The following TNKS variants were observed in gnomAD, a reference collection of about 807,000 sequenced individuals.
TNKS encodes poly [ADP-ribose] polymerase tankyrase-1.
In TNKS, 72 loss-of-function variants were observed where a neutral mutation model predicts 135.8. The observed-to-expected ratio is 0.53, with a 90% CI of 0.44 to 0.64. The LOEUF (loss-of-function observed/expected upper bound fraction) is 0.64. Among genes scored for constraint, TNKS ranks in the 30% least tolerant of loss-of-function variants. The pLI, the probability that TNKS is intolerant of heterozygous loss-of-function variation, is 0.00. For missense variants in TNKS, 1,769 were observed against 1,674.0 expected (o/e 1.06, Z -0.99); for synonymous variants, 849 against 649.3 (o/e 1.31, Z -4.68).
chr8:9,606,973 G>A (rs1341018950), intron 2 of TNKS, among the ~76,000 whole-genome samples: 1 of 151,940 alleles, frequency 6.6e-6, no homozygotes, highest in Non-Finnish European at 1.5e-5. Flanking sequence ...GTTTTGCCTC[G>A]GTTTTGGGCT....
At chr8:9,579,353 C>G (rs751546086) in intron 1 of TNKS, among the ~76,000 whole-genome samples, 1 of 152,198 alleles carries the variant, frequency 6.6e-6, no homozygotes, top group Non-Finnish European at 1.5e-5. Context: ...TCCCTTTGAC[C>G]AAGCGTTCAC....
At chr8:9,675,852 C>T (rs549837197) in intron 3 of TNKS, among the ~76,000 whole-genome samples, 259 of 152,194 alleles carry the variant, frequency 1.7e-3, no homozygotes, top group African/African-American at 6.2e-3. Flanking sequence ...ACACCAATTT[C>T]AGATGATCCC....
intron 3 of TNKS, among the ~76,000 whole-genome samples, chr8:9,649,997 G>T (rs1801083625): frequency 1.4e-5 from 2 of 142,292 alleles, no homozygotes; most frequent in African/African-American, 5.3e-5. Context: ...GGTTCAAGCA[G>T]TTCTCCTTCC....
intron 3 of TNKS, among the ~76,000 whole-genome samples, chr8:9,635,173 GAAAA>G (rs35383195): frequency 7.7e-6 from 1 of 129,236 alleles, no homozygotes. Context: ...CCGTCTCGGG[GAAAA>G]AAAAAAAAAA....
Position 9,735,403 on chromosome 8 carries a change from G to A in TNKS, c.2560G>A (p.Glu854Lys). The A allele has an allele frequency of 6.2e-7, 1 of 1,614,000 alleles. No individual in the cohort carries two copies. Among genetic ancestry groups the A allele is most frequent in the Non-Finnish European group, 8.5e-7 (1 of 1,179,992 alleles). The change falls in exon 17 of 27, where the codon GAA becomes AAA. Residue 854 changes from glutamate to lysine, a missense_variant. Physicochemically the swap from Glu to Lys is moderately conservative, Grantham distance 56. Transcript: ENST00000310430. Reference protein sequence around the residue: ...AAGYNNLEVAEYLLEHGADVN... With the variant: ...AAGYNNLEVAKYLLEHGADVN... ...AGGCTATAATAACCTGGAAGTAGCT[G>A]AATATCTTCTAGAGCATGGAGCTGA...
intron 5 of TNKS, among the ~76,000 whole-genome samples, chr8:9,696,188 A>G (rs1478678414): frequency 1.3e-5 from 2 of 152,158 alleles, no homozygotes; most frequent in African/African-American, 2.4e-5. Context: ...GAGTTAGACA[A>G]TGTAGAAAAG....
At chr8:9,686,764 G>T (rs1204885268) in intron 5 of TNKS, among the ~76,000 whole-genome samples, 1 of 152,200 alleles carries the variant, frequency 6.6e-6, no homozygotes, top group East Asian at 1.9e-4. Flanking sequence ...GTGGGAAAAA[G>T]CAGGAACTTG....
intron 26 of TNKS, among the ~76,000 whole-genome samples, chr8:9,770,867 G>T (rs995701149): frequency 4.6e-5 from 7 of 152,284 alleles, no homozygotes; most frequent in African/African-American, 1.4e-4. Context: ...GGGCAAAACA[G>T]TGAAACTCTT....
chr8:9,579,200 C>A (rs1191817570), intron 1 of TNKS, among the ~76,000 whole-genome samples: 1 of 152,150 alleles, frequency 6.6e-6, no homozygotes, highest in African/African-American at 2.4e-5. Context: ...TGCTTGTATT[C>A]CCACTCATTT....
At chr8:9,766,464 A>G in intron 25 of TNKS, 39 bp downstream of exon 25, 1 of 1,305,142 alleles carries the variant, frequency 7.7e-7, no homozygotes, top group Non-Finnish European at 1.0e-6. Flanking sequence ...TCCCACCCCT[A>G]GGTCACGAAC....
intron 5 of TNKS, among the ~76,000 whole-genome samples, chr8:9,686,874 A>C (rs1339559615): frequency 6.6e-6 from 1 of 152,208 alleles, no homozygotes; most frequent in Non-Finnish European, 1.5e-5. Context: ...AGCCTAAAAA[A>C]AATGAAGAAT....
intron 1 of TNKS, among the ~76,000 whole-genome samples, chr8:9,562,952 A>G (rs1323846627): frequency 2.0e-5 from 3 of 151,878 alleles, no homozygotes; most frequent in Non-Finnish European, 4.4e-5. Context: ...TTTTCTTTAC[A>G]TAGTTTCAGA....
intron 26 of TNKS, among the ~76,000 whole-genome samples, chr8:9,773,671 G>C (rs1161458044): frequency 6.6e-6 from 1 of 151,972 alleles, no homozygotes; most frequent in East Asian, 1.9e-4. Flanking sequence ...AATTTAGTCA[G>C]AGTGTCTCAT....
At chr8:9,724,222 G>A (rs1333046974) in intron 12 of TNKS, among the ~76,000 whole-genome samples, 3 of 152,086 alleles carry the variant, frequency 2.0e-5, no homozygotes, top group African/African-American at 4.8e-5. Flanking sequence ...GGCAACGGTG[G>A]GAGGATTGCT....
At chr8:9,691,930 C>G (rs1244026268) in intron 5 of TNKS, among the ~76,000 whole-genome samples, 1 of 152,180 alleles carries the variant, frequency 6.6e-6, no homozygotes, top group Non-Finnish European at 1.5e-5. Context: ...TAGAGAGCCA[C>G]ACTCCAGCTA....
chr8:9,668,169 G>A (rs1191143551), intron 3 of TNKS, among the ~76,000 whole-genome samples: 4 of 152,144 alleles, frequency 2.6e-5, no homozygotes, highest in Non-Finnish European at 5.9e-5. Context: ...AAATAACAGC[G>A]CCAAGCACTA....
intron 3 of TNKS, among the ~76,000 whole-genome samples, chr8:9,619,962 T>A (rs966134368): frequency 3.3e-5 from 5 of 151,658 alleles, no homozygotes; most frequent in African/African-American, 1.2e-4. Flanking sequence ...ATTTATTTTT[T>A]TTTTTTGCGA....
intron 5 of TNKS, among the ~76,000 whole-genome samples, chr8:9,685,320 C>G (rs1007983128): frequency 6.6e-6 from 1 of 152,058 alleles, no homozygotes; most frequent in Non-Finnish European, 1.5e-5. Context: ...GTCTATGGCT[C>G]TAGAGTTTTT....
intron 11 of TNKS, among the ~76,000 whole-genome samples, chr8:9,711,030 G>C (rs1373106137): frequency 6.6e-6 from 1 of 152,108 alleles, no homozygotes; most frequent in African/African-American, 2.4e-5. Flanking sequence ...GCACTTAAGA[G>C]AGGAAAGAAG....
Sources: gnomAD v4.1 joint callset for allele counts (sites outside exome capture counted in the v4.1 genomes callset) on GRCh38, gnomAD v4.1.1 for gene constraint, MANE v1.5 for transcripts, NCBI Gene and HGNC (gene_info 2026-07-23, HGNC 2026-07-21) for gene names.